Variants in MAD1L1 observed in about 807,000 individuals in gnomAD.
The protein encoded by MAD1L1 is mitotic spindle assembly checkpoint protein MAD1.
MAD1L1 carries 95 observed loss-of-function variants against 96.9 expected under a neutral mutation model. That is an observed-to-expected ratio of 0.98 (90% CI 0.83 to 1.16). The LOEUF (loss-of-function observed/expected upper bound fraction) is 1.16. Among genes scored for constraint, MAD1L1 ranks in the 50% most tolerant of loss-of-function variants. The pLI is 0.00. For synonymous variants in MAD1L1, 473 were observed against 396.6 expected (o/e 1.19, Z -2.29); for missense variants, 1,007 against 954.4 (o/e 1.06, Z -0.73).
At chr7:2,153,799 G>A (rs1209636976) in intron 10 of MAD1L1, among the ~76,000 whole-genome samples, 1 of 152,168 alleles carries the variant, frequency 6.6e-6, no homozygotes, top group East Asian at 1.9e-4. Flanking sequence ...TGTGTCTATC[G>A]ACAGACGAAT....
chr7:1,994,660 G>C (rs148193945), intron 14 of MAD1L1, among the ~76,000 whole-genome samples: 2 of 152,104 alleles, frequency 1.3e-5, no homozygotes, highest in African/African-American at 2.4e-5. Flanking sequence ...AGCCTCGGGG[G>C]GGGGATTAGC....
chr7:2,038,695 G>A (rs1365190499), intron 12 of MAD1L1, among the ~76,000 whole-genome samples: 11 of 150,666 alleles, frequency 7.3e-5, no homozygotes, highest in African/African-American at 2.7e-4. Context: ...TGTATTTTTA[G>A]TAGAGACAGG....
intron 11 of MAD1L1, among the ~76,000 whole-genome samples, chr7:2,072,665 T>C (rs1481743525): frequency 6.6e-6 from 1 of 152,192 alleles, no homozygotes; most frequent in Non-Finnish European, 1.5e-5. Context: ...ACGCCACCAT[T>C]CCCTGTACTC....
intron 11 of MAD1L1, among the ~76,000 whole-genome samples, chr7:2,092,942 TATAAAA>T (rs1178084672): frequency 4.6e-5 from 7 of 152,090 alleles, no homozygotes; most frequent in Admixed American, 3.9e-4. Context: ...AGGTAATGCA[TATAAAA>T]GCATTTGGGC....
Position 1,833,346 on chromosome 7 carries a change from A to G in MAD1L1, c.1999-17118T>C, listed in dbSNP as rs145955494. Among the ~76,000 whole-genome samples the G allele has an allele frequency of 1.1e-4, 17 of 152,340 alleles. No individual in the cohort carries two copies. In the East Asian group the frequency reaches 3.1e-3, roughly 28 times the overall value. ...CAGAGCAAAGAATATTACTAGCAAT[A>G]AAGGTCATTTCATAATGATAAAAGC... On this transcript the variant is annotated intron_variant, in intron 18 of 18. Transcript: ENST00000265854.
Position 2,114,023 on chromosome 7 carries a change from G to A in MAD1L1, c.1073+35129C>T, listed in dbSNP as rs372222576. 1.3e-5 allele frequency among the ~76,000 whole-genome samples: 2 copies of A among 152,246 alleles called. No individual in the cohort carries two copies. Among genetic ancestry groups the A allele is most frequent in the South Asian group, 4.2e-4 (2 of 4,818 alleles). ...GAAAAAGGAGCTCAGTGGGAGAGCC[G>A]GCAAGACCTGAACGCAGTCAGGACC... On this transcript the variant is annotated intron_variant, in intron 11 of 18. Coordinates refer to ENST00000265854, the MANE Select transcript of MAD1L1 (RefSeq NM_001013836.2). This position sits in a 1 kb window ranked among gnomAD's most constrained non-coding sequence, Gnocchi z 4.2.
intron 12 of MAD1L1, among the ~76,000 whole-genome samples, chr7:2,054,175 C>G (rs1393298384): frequency 6.6e-6 from 1 of 152,244 alleles, no homozygotes; most frequent in African/African-American, 2.4e-5. Context: ...CTGGAACTGT[C>G]CAGAAAGTCC....
chr7:1,981,782 G>A (rs1169639715), intron 14 of MAD1L1, among the ~76,000 whole-genome samples: 6 of 152,188 alleles, frequency 3.9e-5, no homozygotes, highest in African/African-American at 1.4e-4. Context: ...GCAGGAGCCT[G>A]GGAAAAAAGG....
chr7:2,060,742 C>A (rs959229472), intron 12 of MAD1L1, among the ~76,000 whole-genome samples: 2 of 152,180 alleles, frequency 1.3e-5, no homozygotes, highest in Non-Finnish European at 2.9e-5. Context: ...ATAGAGGCTG[C>A]CAGATCAACA....
At chr7:1,908,291 A>G (rs1248965930) in intron 17 of MAD1L1, among the ~76,000 whole-genome samples, 1 of 152,202 alleles carries the variant, frequency 6.6e-6, no homozygotes, top group Non-Finnish European at 1.5e-5. Context: ...GGAACCCTGC[A>G]TGGCTGAAGA....
chr7:2,196,515 C>T (rs926228738), intron 10 of MAD1L1, among the ~76,000 whole-genome samples: 1 of 152,260 alleles, frequency 6.6e-6, no homozygotes, highest in African/African-American at 2.4e-5. Context: ...TTGTTTAAAG[C>T]TGTCTGTGTG....
chr7:2,000,303 G>A (rs1781735707), intron 14 of MAD1L1, among the ~76,000 whole-genome samples: 1 of 152,120 alleles, frequency 6.6e-6, no homozygotes, highest in South Asian at 2.1e-4. Flanking sequence ...CTAGCCCAGG[G>A]CACCTGCGTC....
intron 16 of MAD1L1, among the ~76,000 whole-genome samples, chr7:1,937,422 G>C (rs371668732): frequency 6.6e-6 from 1 of 152,216 alleles, no homozygotes; most frequent in African/African-American, 2.4e-5. Flanking sequence ...CTCGCAACCT[G>C]ATGTTCCCAC....
chr7:2,085,779 G>A (rs1261106085), intron 11 of MAD1L1, among the ~76,000 whole-genome samples: 1 of 152,192 alleles, frequency 6.6e-6, no homozygotes, highest in African/African-American at 2.4e-5. Context: ...TGCTATGAAC[G>A]ATGACACGAG....
At chr7:1,868,321 G>C (rs1335441934) in intron 18 of MAD1L1, among the ~76,000 whole-genome samples, 1 of 152,190 alleles carries the variant, frequency 6.6e-6, no homozygotes, top group African/African-American at 2.4e-5. Flanking sequence ...TGCCTCCCCA[G>C]CTCCTGGGTA....
chr7:1,817,919 C>CT (rs1407317542), intron 18 of MAD1L1, among the ~76,000 whole-genome samples: 4 of 151,968 alleles, frequency 2.6e-5, no homozygotes, highest in Admixed American at 1.3e-4. Context: ...CGTGCTGCCC[C>CT]AGAGGCCCTG....
chr7:2,187,525 C>T (rs113119411), intron 10 of MAD1L1, among the ~76,000 whole-genome samples: 7 of 152,214 alleles, frequency 4.6e-5, no homozygotes, highest in Non-Finnish European at 8.8e-5. Flanking sequence ...TGGCTACTGA[C>T]AGGCACAATC....
chr7:2,068,087 G>C (rs1784962447), intron 12 of MAD1L1, among the ~76,000 whole-genome samples: 1 of 152,256 alleles, frequency 6.6e-6, no homozygotes, highest in African/African-American at 2.4e-5. Flanking sequence ...TGTCCCCTCT[G>C]CCAGAGGCAG....
At chr7:2,167,264 C>G (rs796570098) in intron 10 of MAD1L1, among the ~76,000 whole-genome samples, 7 of 152,252 alleles carry the variant, frequency 4.6e-5, no homozygotes, top group African/African-American at 1.7e-4. Flanking sequence ...TCATGATTAG[C>G]AGGCCGGGCG....
Sources: gnomAD v4.1 joint callset for allele counts (sites outside exome capture counted in the v4.1 genomes callset) on GRCh38, gnomAD v4.1.1 for gene constraint, Gnocchi (gnomAD v3.1) non-coding constraint, MANE v1.5 for transcripts, NCBI Gene and HGNC (gene_info 2026-07-23, HGNC 2026-07-21) for gene names.